The following ZNF697 variants were observed in gnomAD, a reference collection of about 807,000 sequenced individuals.
ZNF697 encodes zinc finger protein 697.
A neutral mutation model predicts 32.4 loss-of-function variants in ZNF697; 23 were observed. That is an observed-to-expected ratio of 0.71 (90% CI 0.51 to 1.01). The LOEUF (loss-of-function observed/expected upper bound fraction) is 1.01, where lower values mean the gene tolerates loss of function less well. ZNF697 is among the 50% of genes least tolerant of loss of function. ZNF697 has a pLI of 0.00. For missense variants in ZNF697, 930 were observed against 794.0 expected, an observed-to-expected ratio of 1.17 and a Z score of -2.06; for synonymous variants, 418 against 337.2, an observed-to-expected ratio of 1.24 and a Z score of -2.62.
At chr1:119,624,813 G>C (rs931820879) in intron 2 of ZNF697, among the ~76,000 whole-genome samples, 1 of 151,962 alleles carries the variant, frequency 6.6e-6, no homozygotes, top group Non-Finnish European at 1.5e-5. Flanking sequence ...GGCTGGTCTC[G>C]ATCTCCTGAC....
At position 119,631,968 on chromosome 1, in the gene ZNF697, A is replaced by G. The variant is rs115901667; in HGVS notation, c.-37-5831T>C. Among the ~76,000 whole-genome samples the G allele has an allele frequency of 6.4e-3, 982 of 152,294 alleles. 15 individuals are homozygous for G. The highest frequency in any genetic ancestry group is 0.022 in the African/African-American group (932 of 41,554). On this transcript the variant is annotated intron_variant, in intron 1 of 2. Coordinates refer to ENST00000421812, the MANE Select transcript of ZNF697 (RefSeq NM_001080470.2). ...CACCCGATTGGGTAGAGCGCTGGAA[A>G]AACAATTTCAGCCTGCGGTTCAAAA...
At position 119,626,154 on chromosome 1, in the gene ZNF697, C is replaced by A; in HGVS notation, c.-37-17G>T. On this transcript the variant is annotated splice_polypyrimidine_tract_variant and intron_variant, in intron 1 of 2. Coordinates refer to ENST00000421812, the MANE Select transcript of ZNF697 (RefSeq NM_001080470.2). ...CAGGAATCCCTGCTCCAGAAAAACA[C>A]AAAGAAAGGTCACGTCAGTCCGGTC... 1.9e-6 allele frequency: 3 copies of A among 1,609,414 alleles called. No homozygotes were observed. The South Asian group carries it at 3.3e-5, about 18-fold the overall frequency.
At chr1:119,625,192 T>C (rs1648539485) in intron 2 of ZNF697, among the ~76,000 whole-genome samples, 1 of 152,130 alleles carries the variant, frequency 6.6e-6, no homozygotes, top group Non-Finnish European at 1.5e-5. Context: ...GCAGGGAGTC[T>C]GGGACTGTGT....
Position 119,623,095 on chromosome 1 carries a change from C to G in ZNF697, c.1248G>C (p.Glu416Asp), listed in dbSNP as rs781482069. ...AGAGGTGCGAGCTGACGCTGAAGGT[C>G]TCGCCGCACTCGGAGCACATGTAGG... is the stretch of plus-strand genomic sequence containing the variant. ...EKPYMCSECGETFSVSSHLFT... is the reference protein window; with the variant it reads ...EKPYMCSECGDTFSVSSHLFT... Residue 416 changes from glutamate (E) to aspartate (D), a missense_variant, in exon 3 of 3, where the codon GAG becomes GAC. Transcript: ENST00000421812. 6.3e-7 allele frequency: 1 copy of G among 1,587,044 alleles called. No individual in the cohort carries two copies. Among genetic ancestry groups the G allele is most frequent in the Non-Finnish European group, 8.6e-7 (1 of 1,167,010 alleles).
At chr1:119,631,715 G>A (rs1336562600) in intron 1 of ZNF697, among the ~76,000 whole-genome samples, 4 of 152,214 alleles carry the variant, frequency 2.6e-5, no homozygotes, top group Non-Finnish European at 5.9e-5. Context: ...CATGTCAGGG[G>A]AAGGAAGCGG....
Position 119,648,178 on chromosome 1 carries a change from C to G in ZNF697, c.-525G>C, listed in dbSNP as rs1361271113. Among the ~76,000 whole-genome samples, 1 of 150,528 alleles carries G rather than the reference C, an allele frequency of 6.6e-6. No individual in the cohort carries two copies. ...GCGGCGGCGGCGGCTGCAGCGGCCGCTGGGTGGCCCGCTGGCTGGCTGGTT... is the reference window on the plus strand; with the variant it reads ...GCGGCGGCGGCGGCTGCAGCGGCCGGTGGGTGGCCCGCTGGCTGGCTGGTT... On this transcript the variant is annotated 5_prime_UTR_variant, in exon 1 of 3. Coordinates refer to ENST00000421812, the MANE Select transcript of ZNF697 (RefSeq NM_001080470.2).
In ZNF697 at chr1:119,619,983, G is replaced by A. The variant is rs889998305; in HGVS notation, c.*2722C>T. 1 of 148,100 alleles carries A rather than the reference G, an allele frequency of 6.8e-6. No individual in the cohort carries two copies. Among genetic ancestry groups the A allele is most frequent in the Admixed American group, 6.8e-5 (1 of 14,790 alleles). 9.2% of individuals were successfully genotyped at this position (148,100 alleles called of 1,614,324 possible). A position where few individuals can be genotyped will look rare whatever the true frequency, so the allele number is the denominator to read the frequency against. ...TGAACCGCAGTTAGCAGGGTTTGCC[G>A]AAGAAATATTATTCTAAAACTAGAT... On this transcript the variant is annotated 3_prime_UTR_variant, in exon 3 of 3. Coordinates refer to ENST00000421812, the MANE Select transcript of ZNF697 (RefSeq NM_001080470.2).
rs1649127483 is a variant in ZNF697 at position 119,643,369 on chromosome 1, T to TATGGGG, written c.-38+4321_-38+4322insCCCCAT. On this transcript the variant is annotated intron_variant, in intron 1 of 2. Coordinates refer to ENST00000421812, the MANE Select transcript of ZNF697 (RefSeq NM_001080470.2). Reference sequence around the variant, plus strand: ...TCCTTTAACATGACTAATGTGCTTCTAACAACCCATAGCACACTGTGTTTA... The same window carrying TATGGGG: ...TCCTTTAACATGACTAATGTGCTTCTATGGGGAACAACCCATAGCACACTGTGTTTA... Among the ~76,000 whole-genome samples, 3 of 152,318 alleles carry TATGGGG rather than the reference T, an allele frequency of 2.0e-5. No individual in the cohort carries two copies. In the South Asian group the frequency reaches 6.2e-4, roughly 32 times the overall value.
intron 2 of ZNF697, among the ~76,000 whole-genome samples, chr1:119,625,613 G>T (rs1021964939): frequency 2.0e-5 from 3 of 152,198 alleles, no homozygotes; most frequent in Non-Finnish European, 4.4e-5. Flanking sequence ...TGTTCCAGGG[G>T]TTAATTTATA....
chr1:119,648,198 C>T lies in ZNF697; in HGVS notation c.-545G>A, dbSNP rs1037757588. 1.6e-5 allele frequency among the ~76,000 whole-genome samples: 2 copies of T among 124,644 alleles called. No individual in the cohort carries two copies. Among genetic ancestry groups the T allele is most frequent in the African/African-American group, 6.7e-5 (2 of 29,898 alleles). 81.8% of individuals were successfully genotyped at this position (124,644 alleles called of 152,430 possible). On this transcript the variant is annotated 5_prime_UTR_variant, in exon 1 of 3. Coordinates refer to ENST00000421812, the MANE Select transcript of ZNF697 (RefSeq NM_001080470.2). ...GGCCGCTGGGTGGCCCGCTGGCTGG[C>T]TGGTTGGCTGGCTGGCTGGCTGGCT... is the stretch of plus-strand genomic sequence containing the variant.
rs377068523 is a variant in ZNF697, at chr1:119,643,520, TG to T, written c.-38+4170del. Among the ~76,000 whole-genome samples, 40 of 152,356 alleles carry T rather than the reference TG, an allele frequency of 2.6e-4. No individual in the cohort carries two copies. In the East Asian group the frequency reaches 7.3e-3, roughly 28 times the overall value. ...CTTCCACCCAAAGACGAGAAGCTAC[TG>T]ATCTTTTAACCATCCCTTATCAATA... On this transcript the variant is annotated intron_variant, in intron 1 of 2. Coordinates refer to ENST00000421812, the MANE Select transcript of ZNF697 (RefSeq NM_001080470.2).
At chr1:119,625,665 G>A (rs1648557177) in intron 2 of ZNF697, among the ~76,000 whole-genome samples, 1 of 152,202 alleles carries the variant, frequency 6.6e-6, no homozygotes, top group Non-Finnish European at 1.5e-5. Context: ...GCCAGTGAGT[G>A]AGCCTCTTCA....
At chr1:119,639,334 T>C (rs999373646) in intron 1 of ZNF697, among the ~76,000 whole-genome samples, 3 of 152,192 alleles carry the variant, frequency 2.0e-5, no homozygotes, top group African/African-American at 7.2e-5. Context: ...CTTAAAATGT[T>C]GTCACTTTAT....
intron 1 of ZNF697, among the ~76,000 whole-genome samples, chr1:119,639,780 A>C (rs1649017672): frequency 1.3e-5 from 2 of 151,242 alleles, no homozygotes; most frequent in African/African-American, 4.9e-5. Context: ...TGGAGGGCTG[A>C]GGTGGGAGGA....
intron 2 of ZNF697, among the ~76,000 whole-genome samples, chr1:119,624,377 AGGCAC>A (rs61212565): frequency 0.69 from 104,043 of 151,660 alleles, 36,367 homozygotes; most frequent in African/African-American, 0.83. Flanking sequence ...GCTGGACCCG[AGGCAC>A]TGCCTAGCAG....
At chr1:119,641,636 C>T (rs1171569980) in intron 1 of ZNF697, among the ~76,000 whole-genome samples, 6 of 152,124 alleles carry the variant, frequency 3.9e-5, no homozygotes, top group Admixed American at 3.3e-4. Flanking sequence ...TTGTAGTTCC[C>T]GTAATCCCCT....
chr1:119,624,788 T>C lies in ZNF697; in HGVS notation c.227-672A>G, dbSNP rs1648525038. Among the ~76,000 whole-genome samples, 3 of 152,078 alleles carry C rather than the reference T, an allele frequency of 2.0e-5. No individual in the cohort carries two copies. In the South Asian group the frequency reaches 6.2e-4, roughly 32 times the overall value. On this transcript the variant is annotated intron_variant, in intron 2 of 2. Coordinates refer to ENST00000421812, the MANE Select transcript of ZNF697 (RefSeq NM_001080470.2). The stretch of plus-strand genomic sequence containing the variant: ...TTGTATTTTTAGTAGACATGGGGTT[T>C]CACCATGTTGGTCGGGCTGGTCTCG...
Position 119,623,033 on chromosome 1 carries a change from T to A in ZNF697, c.1310A>T (p.Tyr437Phe), listed in dbSNP as rs766359186. ...GCCCTTCCCGCACTCGCGGCACACG[T>A]AGGGCCGCTCACCCGAGTGCGTGCG... ...HKRTHSGERP[Y>F]VCRECGKGFG... Residue 437 changes from tyrosine to phenylalanine, a missense_variant, in exon 3 of 3, where the codon TAC becomes TTC. Coordinates refer to ENST00000421812, the MANE Select transcript of ZNF697 (RefSeq NM_001080470.2). The A allele has an allele frequency of 1.1e-5, 18 of 1,591,528 alleles. No homozygotes were observed. The highest frequency in any genetic ancestry group is 1.7e-6 in the Non-Finnish European group (2 of 1,168,520).
chr1:119,640,990 A>G (rs1389703006), intron 1 of ZNF697, among the ~76,000 whole-genome samples: 1 of 152,204 alleles, frequency 6.6e-6, no homozygotes, highest in Non-Finnish European at 1.5e-5. Context: ...ATCAGCCTAG[A>G]AAACCCTTTC....
Sources: allele counts gnomAD v4.1 joint callset (sites outside exome capture counted in the v4.1 genomes callset), GRCh38; gene constraint gnomAD v4.1.1; transcripts MANE v1.5; gene names NCBI Gene and HGNC (gene_info 2026-07-23, HGNC 2026-07-21).